CDC37L1: variants seen among roughly 807,000 people sequenced by gnomAD.
CDC37L1 encodes the protein hsp90 co-chaperone Cdc37-like 1.
In CDC37L1, 32 loss-of-function variants were observed where a neutral mutation model predicts 45.9. The ratio of observed to expected loss-of-function variants is 0.70; its 90% CI spans 0.53 to 0.94. The LOEUF is 0.94. Ranked by LOEUF, CDC37L1 falls within the 40% of genes least tolerant of loss-of-function variation. The probability of loss-of-function intolerance (pLI) is 0.00; values close to 1 mark genes in which losing one functional copy is unlikely to be tolerated. For missense variants in CDC37L1, 434 were observed against 405.7 expected (o/e 1.07, Z -0.60); for synonymous variants, 150 against 133.0 (o/e 1.13, Z -0.88).
intron 5 of CDC37L1, among the ~76,000 whole-genome samples, chr9:4,699,062 C>A (rs936903858): frequency 6.6e-6 from 1 of 152,128 alleles, no homozygotes; most frequent in African/African-American, 2.4e-5. Flanking sequence ...ACAGATACAA[C>A]TCACATAAAC....
intron 2 of CDC37L1, among the ~76,000 whole-genome samples, chr9:4,686,965 TAAATA>T (rs754480626): frequency 8.5e-5 from 13 of 152,250 alleles, no homozygotes; most frequent in Non-Finnish European, 1.2e-4. Flanking sequence ...TATGTTAAGA[TAAATA>T]AAATAATTTA....
chr9:4,686,633 T>C (rs756068864), intron 2 of CDC37L1, among the ~76,000 whole-genome samples: 4 of 152,244 alleles, frequency 2.6e-5, no homozygotes, highest in African/African-American at 9.6e-5. Context: ...TTCTTTAAAC[T>C]TAGGTTCTAA....
At chr9:4,699,899 T>C (rs1841381595) in intron 5 of CDC37L1, among the ~76,000 whole-genome samples, 1 of 152,306 alleles carries the variant, frequency 6.6e-6, no homozygotes, top group East Asian at 1.9e-4. Context: ...AGTTTAACTT[T>C]GGTTATACTT....
At chr9:4,691,012 A>G (rs550159441) in intron 3 of CDC37L1, among the ~76,000 whole-genome samples, 1 of 152,332 alleles carries the variant, frequency 6.6e-6, no homozygotes, top group Non-Finnish European at 1.5e-5. Context: ...GGACTGAATT[A>G]TGGCACAGAG....
chr9:4,692,685 A>T (rs1409438462), intron 3 of CDC37L1, among the ~76,000 whole-genome samples: 11 of 152,238 alleles, frequency 7.2e-5, no homozygotes, highest in Admixed American at 7.2e-4. Context: ...TCCGGATTTT[A>T]AAAATTCTTC....
In CDC37L1 at chr9:4,706,625, G is replaced by A. The variant is rs1303180694; in HGVS notation, c.*513G>A. ...TAATGTACTTTACTAAATAAGTTGG[G>A]GGGTACAATTTTTAAAAGTCTTAAC... On this transcript the variant is annotated 3_prime_UTR_variant, in exon 7 of 7. Transcript: ENST00000381854. The A allele has an allele frequency of 6.6e-6, 1 of 152,486 alleles. No individual in the cohort carries two copies. The highest frequency in any genetic ancestry group is 1.5e-5 in the Non-Finnish European group (1 of 68,008). The allele number at this position is 152,486 out of a possible 1,614,324, so 9.4% of individuals were successfully genotyped here. A position where few individuals can be genotyped will look rare whatever the true frequency, so the allele number is the denominator to read the frequency against.
chr9:4,685,223 G>A, intron 2 of CDC37L1, 65 bp downstream of exon 2: 1 of 1,244,270 alleles, frequency 8.0e-7, no homozygotes, highest in Non-Finnish European at 1.2e-6. Flanking sequence ...AACCAGTTGT[G>A]CGTATTTGGT....
chr9:4,693,853 T>C (rs1841323288), intron 3 of CDC37L1, among the ~76,000 whole-genome samples: 1 of 152,196 alleles, frequency 6.6e-6, no homozygotes, highest in South Asian at 2.1e-4. Flanking sequence ...CTGAGTTAGG[T>C]ACTATTTTTA....
At chr9:4,704,608 G>T (rs1338530347) in intron 6 of CDC37L1, among the ~76,000 whole-genome samples, 6 of 152,218 alleles carry the variant, frequency 3.9e-5, no homozygotes, top group African/African-American at 9.6e-5. Context: ...CTGTTCCAGA[G>T]AATTAGGCTT....
intron 6 of CDC37L1, 36 bp from the exon 7 acceptor site, chr9:4,705,975 T>C (rs1341144599): frequency 9.6e-7 from 1 of 1,041,688 alleles, no homozygotes; most frequent in Non-Finnish European, 1.5e-6. Flanking sequence ...AATGCGTTCT[T>C]TTTCTCCCCC....
chr9:4,702,698 G>C (rs921042760), intron 6 of CDC37L1, among the ~76,000 whole-genome samples: 4 of 151,410 alleles, frequency 2.6e-5, no homozygotes, highest in Non-Finnish European at 5.9e-5. Context: ...TGGCTAACAA[G>C]GTGAAACCCC....
At chr9:4,697,043 T>G in intron 3 of CDC37L1, 53 bp from the exon 4 acceptor site, 1 of 778,046 alleles carries the variant, frequency 1.3e-6, no homozygotes, top group Non-Finnish European at 2.2e-6. Flanking sequence ...TTTCTTCCCT[T>G]ATGGGAAGAA....
In CDC37L1 at chr9:4,708,219, T is replaced by G. The variant is rs1841465413; in HGVS notation, c.*2107T>G. ...TACCTTTTTTTTGTTTCTGAAGAAA[T>G]AAAGAGTATATTAAGCAAAGGGATA... On this transcript the variant is annotated 3_prime_UTR_variant, in exon 7 of 7. Transcript: ENST00000381854. 1 of 152,138 alleles carries G rather than the reference T, an allele frequency of 6.6e-6. No individual in the cohort carries two copies. The allele number at this position is 152,138 out of a possible 1,614,324, so 9.4% of individuals were successfully genotyped here. A position where few individuals can be genotyped will look rare whatever the true frequency, so the allele number is the denominator to read the frequency against.
intron 1 of CDC37L1, among the ~76,000 whole-genome samples, chr9:4,681,739 G>C (rs956423313): frequency 1.3e-5 from 2 of 151,902 alleles, no homozygotes; most frequent in African/African-American, 4.8e-5. Context: ...TTAAATTTTT[G>C]GATTGGAATA....
chr9:4,687,474 T>C (rs945926940), intron 2 of CDC37L1, among the ~76,000 whole-genome samples: 2 of 150,694 alleles, frequency 1.3e-5, no homozygotes, highest in South Asian at 4.2e-4. Context: ...AACCCACGAG[T>C]TCAAGACCAG....
chr9:4,688,628 C>T (rs1440482544), intron 3 of CDC37L1, 22 bp downstream of exon 3: 1 of 1,394,000 alleles, frequency 7.2e-7, no homozygotes, highest in Non-Finnish European at 9.8e-7. Flanking sequence ...ACTTGGATTT[C>T]CTTCTTTGTA....
rs923514927 is a variant in CDC37L1, at chr9:4,682,338, T to C, written c.132+2439T>C. ...CCACTGTGCCCAGCTAATTTTTTTTTTTTTTTGAGATGGAGTCTCGCTGTG... is the reference window on the plus strand; with the variant it reads ...CCACTGTGCCCAGCTAATTTTTTTTCTTTTTTGAGATGGAGTCTCGCTGTG... On this transcript the variant is annotated intron_variant, in intron 1 of 6. Transcript: ENST00000381854. Among the ~76,000 whole-genome samples the C allele has an allele frequency of 2.2e-5, 3 of 139,504 alleles. 1 individual carries two copies. Among genetic ancestry groups the C allele is most frequent in the Non-Finnish European group, 4.5e-5 (3 of 66,034 alleles). The allele number at this position is 139,504 out of a possible 152,430, so 91.5% of individuals were successfully genotyped here. A position where few individuals can be genotyped will look rare whatever the true frequency, so the allele number is the denominator to read the frequency against.
At chr9:4,682,002 A>C (rs1279625086) in intron 1 of CDC37L1, among the ~76,000 whole-genome samples, 1 of 152,158 alleles carries the variant, frequency 6.6e-6, no homozygotes, top group South Asian at 2.1e-4. Context: ...CAAATGGCCA[A>C]ATGTTGTCTG....
chr9:4,683,529 A>G (rs1306781022), intron 1 of CDC37L1, among the ~76,000 whole-genome samples: 1 of 152,164 alleles, frequency 6.6e-6, no homozygotes, highest in African/African-American at 2.4e-5. Context: ...GGGAAAGGGA[A>G]GAATAAGCAA....
Sources: gnomAD v4.1 joint callset for allele counts (sites outside exome capture counted in the v4.1 genomes callset) on GRCh38, gnomAD v4.1.1 for gene constraint, MANE v1.5 for transcripts, NCBI Gene and HGNC (gene_info 2026-07-23, HGNC 2026-07-21) for gene names.